Variants in SCGB2B2 observed in about 807,000 individuals in gnomAD.
The protein encoded by SCGB2B2 is secretoglobin-like protein.
A neutral mutation model predicts 7.6 loss-of-function variants in SCGB2B2; 11 were observed. The observed-to-expected ratio is 1.45, with a 90% CI of 0.91 to 2.40. The LOEUF is 2.40. Ranked by LOEUF, SCGB2B2 falls within the 30% of genes most tolerant of loss-of-function variation. SCGB2B2 has a pLI of 0.00. For missense variants in SCGB2B2, 104 were observed against 115.4 expected, an observed-to-expected ratio of 0.90 and a Z score of 0.45; for synonymous variants, 50 against 48.6, an observed-to-expected ratio of 1.03 and a Z score of -0.12.
At chr19:34,645,217 G>T (rs2066963952) in intron 1 of SCGB2B2, among the ~76,000 whole-genome samples, 1 of 152,200 alleles carries the variant, frequency 6.6e-6, no homozygotes, top group Admixed American at 6.5e-5. Context: ...CTCGGTGGCA[G>T]ATTCTGATCT....
rs141215366 is a variant in SCGB2B2, at chr19:34,661,664, G to C, written c.-2032+13966C>G. Among the ~76,000 whole-genome samples the C allele has an allele frequency of 5.3e-5, 8 of 152,314 alleles. No homozygotes were observed. In the East Asian group the frequency reaches 1.5e-3, roughly 29 times the overall value. ...ACTATGTCCCTCTATGGGGCACTTGGTTGTTGACAAAAGGGACACTGAGAA... is the reference window on the plus strand; with the variant it reads ...ACTATGTCCCTCTATGGGGCACTTGCTTGTTGACAAAAGGGACACTGAGAA... On this transcript the variant is annotated intron_variant, in intron 1 of 3. Coordinates refer to ENST00000601241, the MANE Select transcript of SCGB2B2 (RefSeq NM_001025591.4).
intron 1 of SCGB2B2, among the ~76,000 whole-genome samples, chr19:34,619,584 A>G (rs1427137030): frequency 3.3e-5 from 5 of 152,222 alleles, no homozygotes; most frequent in Admixed American, 2.0e-4. Context: ...TTCAGGAAAA[A>G]GAAAATTTCA....
chr19:34,666,615 C>A (rs749590928), intron 1 of SCGB2B2, among the ~76,000 whole-genome samples: 2 of 152,194 alleles, frequency 1.3e-5, no homozygotes, highest in Admixed American at 6.5e-5. Flanking sequence ...CAAGCCACGC[C>A]CACCGGGCCT....
chr19:34,589,444 G>T (rs1024103764), downstream of SCGB2B2, among the ~76,000 whole-genome samples: 2 of 152,130 alleles, frequency 1.3e-5, no homozygotes, highest in Admixed American at 1.3e-4. Context: ...AGGTCTGAGG[G>T]GTCTCACTTG....
intron 1 of SCGB2B2, among the ~76,000 whole-genome samples, chr19:34,620,761 T>C (rs540738232): frequency 6.6e-6 from 1 of 152,344 alleles, no homozygotes; most frequent in African/African-American, 2.4e-5. Flanking sequence ...GGCCATGAGA[T>C]GTTCCAGCAG....
intron 1 of SCGB2B2, among the ~76,000 whole-genome samples, chr19:34,672,004 G>A (rs890445827): frequency 6.6e-6 from 1 of 152,150 alleles, no homozygotes; most frequent in Non-Finnish European, 1.5e-5. Context: ...AGCTGGTTGT[G>A]GTGGTGCACT....
chr19:34,645,737 G>T, intron 1 of SCGB2B2: 1 of 388,598 alleles, frequency 2.6e-6, no homozygotes, highest in Non-Finnish European at 5.2e-6. Context: ...GAAAGAAGCG[G>T]GCAGGGCTGA....
chr19:34,669,133 T>C lies in SCGB2B2; in HGVS notation c.-2032+6497A>G, dbSNP rs901144308. Among the ~76,000 whole-genome samples, 2 of 151,886 alleles carry C rather than the reference T, an allele frequency of 1.3e-5. 1 individual carries two copies. Among genetic ancestry groups the C allele is most frequent in the Non-Finnish European group, 2.9e-5 (2 of 67,978 alleles). On this transcript the variant is annotated intron_variant, in intron 1 of 3. Coordinates refer to ENST00000601241, the MANE Select transcript of SCGB2B2 (RefSeq NM_001025591.4). ...GAACCCACCAGGAGGAACTAACAACTCCAGACGCGCCGCCTTAAGAACTGT... is the reference window on the plus strand; with the variant it reads ...GAACCCACCAGGAGGAACTAACAACCCCAGACGCGCCGCCTTAAGAACTGT...
rs1390932308 is a variant in SCGB2B2, at chr19:34,591,684, A to G, written c.*1871T>C. Reference sequence around the variant, plus strand: ...TCCAGCTGCACTGGCCATTTCTCCAACACAACAAATCCTTTCTCATCATGC... The same window carrying G: ...TCCAGCTGCACTGGCCATTTCTCCAGCACAACAAATCCTTTCTCATCATGC... On this transcript the variant is annotated 3_prime_UTR_variant, in exon 4 of 4. Coordinates refer to ENST00000601241, the MANE Select transcript of SCGB2B2 (RefSeq NM_001025591.4). 6.6e-6 allele frequency among the ~76,000 whole-genome samples: 1 copy of G among 152,050 alleles called. No homozygotes were observed. The highest frequency in any genetic ancestry group is 1.5e-5 in the Non-Finnish European group (1 of 67,990).
At chr19:34,611,603 G>A (rs368201456) in intron 1 of SCGB2B2, among the ~76,000 whole-genome samples, 82 of 150,212 alleles carry the variant, frequency 5.5e-4, no homozygotes, top group African/African-American at 1.8e-3. Flanking sequence ...CCAGGCTTTT[G>A]TATGTTGCAT....
chr19:34,626,228 C>G (rs913605653), intron 1 of SCGB2B2, among the ~76,000 whole-genome samples: 1 of 152,166 alleles, frequency 6.6e-6, no homozygotes, highest in African/African-American at 2.4e-5. Flanking sequence ...AATGAAGCTC[C>G]TCTCCAGCAA....
At chr19:34,636,405 C>T (rs964203582) in intron 1 of SCGB2B2, among the ~76,000 whole-genome samples, 1 of 152,166 alleles carries the variant, frequency 6.6e-6, no homozygotes, top group Non-Finnish European at 1.5e-5. Flanking sequence ...GAAGGAGAGG[C>T]TGCATCTCCC....
chr19:34,625,690 G>A (rs2066353968), intron 1 of SCGB2B2, among the ~76,000 whole-genome samples: 1 of 152,212 alleles, frequency 6.6e-6, no homozygotes, highest in Non-Finnish European at 1.5e-5. Context: ...TCCACCTCTA[G>A]GGGCAGGGCA....
chr19:34,610,790 C>T (rs572802307), intron 1 of SCGB2B2, among the ~76,000 whole-genome samples: 10 of 139,224 alleles, frequency 7.2e-5, no homozygotes, highest in South Asian at 2.2e-4. Context: ...TTTCTGTATG[C>T]GTGTGTCCTT....
intron 1 of SCGB2B2, among the ~76,000 whole-genome samples, chr19:34,658,813 C>CAAAAAAAA (rs138363297): frequency 5.9e-5 from 6 of 101,986 alleles, no homozygotes; most frequent in African/African-American, 1.0e-4. Flanking sequence ...ACAACAACAA[C>CAAAAAAAA]AAAAAAAAAA....
At chr19:34,612,862 A>G (rs898694468) in intron 1 of SCGB2B2, among the ~76,000 whole-genome samples, 17 of 152,118 alleles carry the variant, frequency 1.1e-4, no homozygotes, top group African/African-American at 4.1e-4. Context: ...ATGTATTTAG[A>G]ATTGTCATAC....
chr19:34,667,746 CCCT>C (rs2067675219), intron 1 of SCGB2B2, among the ~76,000 whole-genome samples: 2 of 152,156 alleles, frequency 1.3e-5, no homozygotes, highest in South Asian at 4.1e-4. Flanking sequence ...AACCTGGAGA[CCCT>C]CCTCCTGTAA....
At chr19:34,631,727 A>G (rs1459711863) in intron 1 of SCGB2B2, among the ~76,000 whole-genome samples, 1 of 152,156 alleles carries the variant, frequency 6.6e-6, no homozygotes, top group Admixed American at 6.5e-5. Flanking sequence ...TCCCAATCAA[A>G]ATCCACAATA....
At chr19:34,624,020 G>A (rs1210705859) in intron 1 of SCGB2B2, among the ~76,000 whole-genome samples, 1 of 152,154 alleles carries the variant, frequency 6.6e-6, no homozygotes, top group East Asian at 1.9e-4. Context: ...AAAAGAGTTG[G>A]GGAACTAGAG....
Sources: allele counts gnomAD v4.1 joint callset (sites outside exome capture counted in the v4.1 genomes callset), GRCh38; gene constraint gnomAD v4.1.1; transcripts MANE v1.5; gene names NCBI Gene and HGNC (gene_info 2026-07-23, HGNC 2026-07-21).